Variants in TAS1R3 observed in about 807,000 individuals in gnomAD.
TAS1R3 encodes the protein taste receptor type 1 member 3.
Under a neutral mutation model 46.1 loss-of-function variants are expected in TAS1R3, and 58 were observed. That is an observed-to-expected ratio of 1.26 (90% CI 1.02 to 1.57). TAS1R3 has a LOEUF of 1.57. Among genes scored for constraint, TAS1R3 ranks in the 40% most tolerant of loss-of-function variants. The pLI is 0.00. For synonymous variants in TAS1R3, 724 were observed against 544.7 expected, an observed-to-expected ratio of 1.33 and a Z score of -4.58; for missense variants, 1,422 against 1,185.8, an observed-to-expected ratio of 1.20 and a Z score of -2.93.
In TAS1R3 at chr1:1,333,964, C is replaced by T. The variant is rs137903502; in HGVS notation, c.2059C>T (p.Leu687=). The T allele has an allele frequency of 3.1e-5, 50 of 1,600,740 alleles. No individual in the cohort carries two copies. Among genetic ancestry groups the T allele is most frequent in the Non-Finnish European group, 4.2e-5 (49 of 1,179,662 alleles). The change falls in exon 6 of 6, where the codon CTG becomes TTG. Residue 687 remains leucine, a synonymous_variant. Coordinates refer to ENST00000339381, the MANE Select transcript of TAS1R3 (RefSeq NM_152228.3). The part of the protein sequence containing the change: ...RGPWAWLVVL[L]AMLVEVALCT... The stretch of plus-strand genomic sequence containing the variant: ...GCCCTGGGCCTGGCTGGTGGTGCTG[C>T]TGGCCATGCTGGTGGAGGTCGCACT...
rs1366983373 is a variant in TAS1R3 at position 1,332,334 on chromosome 1, T to G, written c.803T>G (p.Val268Gly). 2.5e-6 allele frequency: 4 copies of G among 1,601,856 alleles called. No homozygotes were observed. The Admixed American group carries it at 6.8e-5, about 27-fold the overall frequency. ...DVLHQVNQSS[V>G]QVVLLFASVH... The stretch of plus-strand genomic sequence containing the variant: ...CTGCACCAGGTGAACCAGAGCAGCG[T>G]GCAGGTGGTGCTGCTGTTCGCCTCC... Residue 268 changes from valine to glycine, a missense_variant, in exon 3 of 6, where the codon GTG (valine) becomes GGG (glycine). By Grantham distance (109) the Val-to-Gly change is moderately radical (BLOSUM62 -3). Transcript: ENST00000339381.
Position 1,332,512 on chromosome 1 carries a change from G to A in TAS1R3, c.981G>A (p.Arg327=). Reference sequence around the variant, plus strand: ...GCACGGTGCTTGGCTTCCTCCAGAGGGGTGCCCAGCTGCACGAGTTCCCCC... The same window carrying A: ...GCACGGTGCTTGGCTTCCTCCAGAGAGGTGCCCAGCTGCACGAGTTCCCCC... ...QMGTVLGFLQ[R]GAQLHEFPQY... Residue 327 remains arginine (R), a synonymous_variant, in exon 3 of 6, where the codon AGG becomes AGA. Transcript: ENST00000339381. 1 of 1,611,340 alleles carries A rather than the reference G, an allele frequency of 6.2e-7. No individual in the cohort carries two copies. Among genetic ancestry groups the A allele is most frequent in the African/African-American group, 1.3e-5 (1 of 75,050 alleles).
Position 1,334,551 on chromosome 1 carries a change from A to T in TAS1R3, c.*87A>T. 3 of 1,363,360 alleles carry T rather than the reference A, an allele frequency of 2.2e-6. No individual in the cohort carries two copies. Among genetic ancestry groups the T allele is most frequent in the Non-Finnish European group, 2.9e-6 (3 of 1,036,208 alleles). 84.5% of individuals were successfully genotyped at this position (1,363,360 alleles called of 1,614,324 possible). ...CAATGACCCGTGTCTCGCTACAGAG[A>T]CCCTCCCGCTCTAGGTTCTGACCCC... On this transcript the variant is annotated 3_prime_UTR_variant, in exon 6 of 6. Transcript: ENST00000339381.
In TAS1R3 at chr1:1,334,330, T is replaced by C. The variant is rs2100694886; in HGVS notation, c.2425T>C (p.Phe809Leu). ...CTGTGTCCTGGGCATCCTGGCTGCC[T>C]TCCACCTGCCCAGGTGTTACCTGCT... is the stretch of plus-strand genomic sequence containing the variant. ...LLCVLGILAAFHLPRCYLLMR... is the reference protein window; with the variant it reads ...LLCVLGILAALHLPRCYLLMR... Residue 809 changes from phenylalanine to leucine, a missense_variant, in exon 6 of 6, where the codon TTC (phenylalanine) becomes CTC (leucine). Physicochemically the swap from Phe to Leu is conservative, Grantham distance 22. Coordinates refer to ENST00000339381, the MANE Select transcript of TAS1R3 (RefSeq NM_152228.3). The C allele has an allele frequency of 6.2e-7, 1 of 1,611,760 alleles. No homozygotes were observed. The highest frequency in any genetic ancestry group is 8.5e-7 in the Non-Finnish European group (1 of 1,179,354).
chr1:1,333,799 C>G lies in TAS1R3; in HGVS notation c.1894C>G (p.Arg632Gly). 4 of 1,595,066 alleles carry G rather than the reference C, an allele frequency of 2.5e-6. No homozygotes were observed. Among genetic ancestry groups the G allele is most frequent in the Non-Finnish European group, 3.4e-6 (4 of 1,175,998 alleles). Residue 632 changes from arginine to glycine, a missense_variant, in exon 6 of 6, where the codon CGA (arginine) becomes GGA (glycine). Coordinates refer to ENST00000339381, the MANE Select transcript of TAS1R3 (RefSeq NM_152228.3). ...LLFPGQPSPA[R>G]CLAQQPLSHL... ...GTTCCCTGGCCAGCCCAGCCCTGCC[C>G]GATGCCTGGCCCAGCAGCCCTTGTC...
chr1:1,334,309 G>A lies in TAS1R3; in HGVS notation c.2404G>A (p.Val802Ile). The stretch of plus-strand genomic sequence containing the variant: ...GCAGATGGGCGCCCTCCTGCTCTGT[G>A]TCCTGGGCATCCTGGCTGCCTTCCA... ...AVQMGALLLC[V>I]LGILAAFHLP... Residue 802 changes from valine to isoleucine, a missense_variant, in exon 6 of 6, where the codon GTC (valine) becomes ATC (isoleucine). Transcript: ENST00000339381. 6.2e-7 allele frequency: 1 copy of A among 1,611,776 alleles called. No individual in the cohort carries two copies.
Position 1,333,112 on chromosome 1 carries a change from G to T in TAS1R3, c.1467G>T (p.Thr489=), listed in dbSNP as rs368111530. ...AGCGCCTGAAGATCCGCTGGCACACGTCTGACAACCAGGTGAGGTGAGGGT... is the reference window on the plus strand; with the variant it reads ...AGCGCCTGAAGATCCGCTGGCACACTTCTGACAACCAGGTGAGGTGAGGGT... ...RTERLKIRWH[T]SDNQKPVSRC... Residue 489 remains threonine (T), a synonymous_variant, in exon 4 of 6, where the codon ACG becomes ACT. Coordinates refer to ENST00000339381, the MANE Select transcript of TAS1R3 (RefSeq NM_152228.3). 1 of 1,611,562 alleles carries T rather than the reference G, an allele frequency of 6.2e-7. No individual in the cohort carries two copies. Among genetic ancestry groups the T allele is most frequent in the Admixed American group, 1.7e-5 (1 of 59,968 alleles).
Position 1,334,625 on chromosome 1 carries a change from C to T in TAS1R3, c.*161C>T, listed in dbSNP as rs1643515847. 9.0e-6 allele frequency: 7 copies of T among 781,790 alleles called. No homozygotes were observed. The highest frequency in any genetic ancestry group is 3.8e-5 in the South Asian group (2 of 52,942). 48.4% of individuals were successfully genotyped at this position (781,790 alleles called of 1,614,324 possible). ...CACAGTGAGCCCTAGGCCTGGAGCA[C>T]GTGGACACCCCTGTGACCATCTGGG... On this transcript the variant is annotated 3_prime_UTR_variant, in exon 6 of 6. Transcript: ENST00000339381.
chr1:1,331,806 A>C lies in TAS1R3; in HGVS notation c.360A>C (p.Ala120=). 6.2e-7 allele frequency: 1 copy of C among 1,612,838 alleles called. No homozygotes were observed. Among genetic ancestry groups the C allele is most frequent in the Non-Finnish European group, 8.5e-7 (1 of 1,180,014 alleles). Residue 120 remains alanine, a synonymous_variant, in exon 2 of 6, where the codon GCA becomes GCC. Coordinates refer to ENST00000339381, the MANE Select transcript of TAS1R3 (RefSeq NM_152228.3). The stretch of plus-strand genomic sequence containing the variant: ...CCAGCCTCATGTTCCTGGCCAAGGC[A>C]GGCAGCCGCGACATCGCCGCCTACT... ...MKPSLMFLAK[A]GSRDIAAYCN... is the part of the protein sequence containing the mutation.
At chr1:1,332,869 C>T in intron 3 of TAS1R3, 52 bp from the exon 4 acceptor site, 1 of 1,588,024 alleles carries the variant, frequency 6.3e-7, no homozygotes, top group Non-Finnish European at 8.6e-7. Context: ...GGCACGGCCA[C>T]CACGCCTGAG....
chr1:1,334,949 A>G lies in TAS1R3; in HGVS notation c.*485A>G, dbSNP rs188647. On this transcript the variant is annotated 3_prime_UTR_variant, in exon 6 of 6. Coordinates refer to ENST00000339381, the MANE Select transcript of TAS1R3 (RefSeq NM_152228.3). ...TGCCCAGGGCAGAGCCCGCCGAGGT[A>G]GGGGTGGCACCCAGCTTCCTACTCT... The G allele has an allele frequency of 0.97, 152,318 of 156,970 alleles. 73,948 individuals are homozygous for G. The highest frequency in any genetic ancestry group is 0.99 in the African/African-American group (41,153 of 41,648). The allele number at this position is 156,970 out of a possible 1,614,324, so 9.7% of individuals were successfully genotyped here. A position where few individuals can be genotyped will look rare whatever the true frequency, so the allele number is the denominator to read the frequency against.
chr1:1,333,194 G>C, intron 4 of TAS1R3, 65 bp from the exon 5 acceptor site: 1 of 1,590,686 alleles, frequency 6.3e-7, no homozygotes, highest in South Asian at 1.1e-5. Context: ...CTGGGGGTGG[G>C]GGCCGTTCCA....
Position 1,331,366 on chromosome 1 carries a change from G to A in TAS1R3, c.21G>A (p.Leu7=). ...CTGCCATGCTGGGCCCTGCTGTCCTGGGCCTCAGCCTCTGGGCTCTCCTGC... is the reference window on the plus strand; with the variant it reads ...CTGCCATGCTGGGCCCTGCTGTCCTAGGCCTCAGCCTCTGGGCTCTCCTGC... MLGPAV[L]GLSLWALLHP... The change falls in exon 1 of 6, where the codon CTG becomes CTA. Residue 7 remains leucine (L), a synonymous_variant. Transcript: ENST00000339381. 1.3e-5 allele frequency: 20 copies of A among 1,596,320 alleles called. No homozygotes were observed. Among genetic ancestry groups the A allele is most frequent in the Non-Finnish European group, 1.5e-5 (18 of 1,172,338 alleles).
chr1:1,333,932 T>G lies in TAS1R3; in HGVS notation c.2027T>G (p.Leu676Arg). 6.2e-7 allele frequency: 1 copy of G among 1,601,060 alleles called. No homozygotes were observed. The highest frequency in any genetic ancestry group is 2.2e-5 in the East Asian group (1 of 44,862). ...LSWADRLSGC[L>R]RGPWAWLVVL... ...TGGGCAGACCGGCTGAGTGGCTGCCTGCGGGGGCCCTGGGCCTGGCTGGTG... is the reference window on the plus strand; with the variant it reads ...TGGGCAGACCGGCTGAGTGGCTGCCGGCGGGGGCCCTGGGCCTGGCTGGTG... Residue 676 changes from leucine (L) to arginine (R), a missense_variant, in exon 6 of 6, where the codon CTG becomes CGG. Transcript: ENST00000339381.
rs776220108 is a variant in TAS1R3, at chr1:1,332,595, G to C, written c.1064G>C (p.Gly355Ala). 1.3e-5 allele frequency: 21 copies of C among 1,611,154 alleles called. No homozygotes were observed. Among genetic ancestry groups the C allele is most frequent in the Non-Finnish European group, 1.7e-5 (20 of 1,179,938 alleles). Residue 355 changes from glycine (G) to alanine (A), a missense_variant, in exon 3 of 6, where the codon GGC (glycine) becomes GCC (alanine). By Grantham distance (60) the Gly-to-Ala change is moderately conservative. Coordinates refer to ENST00000339381, the MANE Select transcript of TAS1R3 (RefSeq NM_152228.3). The stretch of plus-strand genomic sequence containing the variant: ...GACCCGGCCTTCTGCTCTGCCCTGG[G>C]CGAGAGGGAGCAGGGTCTGGAGGAG... ...ATDPAFCSAL[G>A]EREQGLEEDV...
chr1:1,334,052 C>A lies in TAS1R3; in HGVS notation c.2147C>A (p.Thr716Lys), dbSNP rs147441599. Residue 716 changes from threonine to lysine, a missense_variant, in exon 6 of 6, where the codon ACG becomes AAG. By Grantham distance (78) the Thr-to-Lys change is moderately conservative (BLOSUM62 -1). Coordinates refer to ENST00000339381, the MANE Select transcript of TAS1R3 (RefSeq NM_152228.3). ...EVVTDWHMLP[T>K]EALVHCRTRS... Reference sequence around the variant, plus strand: ...GTGACGGACTGGCACATGCTGCCCACGGAGGCGCTGGTGCACTGCCGCACA... The same window carrying A: ...GTGACGGACTGGCACATGCTGCCCAAGGAGGCGCTGGTGCACTGCCGCACA... 5.0e-4 allele frequency: 806 copies of A among 1,601,080 alleles called. 7 individuals carry two copies. In the East Asian group the frequency reaches 0.012, roughly 25 times the overall value.
chr1:1,333,974 T>C lies in TAS1R3; in HGVS notation c.2069T>C (p.Leu690Pro). Residue 690 changes from leucine to proline, a missense_variant, in exon 6 of 6, where the codon CTG (leucine) becomes CCG (proline). By Grantham distance (98) the Leu-to-Pro change is moderately conservative. Coordinates refer to ENST00000339381, the MANE Select transcript of TAS1R3 (RefSeq NM_152228.3). Reference protein sequence around the residue: ...WAWLVVLLAMLVEVALCTWYL... With the variant: ...WAWLVVLLAMPVEVALCTWYL... ...TGGCTGGTGGTGCTGCTGGCCATGC[T>C]GGTGGAGGTCGCACTGTGCACCTGG... 6.2e-7 allele frequency: 1 copy of C among 1,600,828 alleles called. No homozygotes were observed. The highest frequency in any genetic ancestry group is 8.5e-7 in the Non-Finnish European group (1 of 1,179,686).
In TAS1R3 at chr1:1,333,515, C is replaced by T. The variant is rs1374051173; in HGVS notation, c.1610C>T (p.Ala537Val). ...GSYRQNPDDIACTFCGQDEWS... is the reference protein window; with the variant it reads ...GSYRQNPDDIVCTFCGQDEWS... ...TTCTCCTCTCTCACAGACGACATCG[C>T]CTGCACCTTTTGTGGCCAGGATGAG... The change falls in exon 6 of 6, where the codon GCC (alanine) becomes GTC (valine). Residue 537 changes from alanine (A) to valine (V), a missense_variant. Transcript: ENST00000339381. 4 of 1,602,244 alleles carry T rather than the reference C, an allele frequency of 2.5e-6. 1 individual carries two copies. The South Asian group carries it at 3.3e-5, about 13-fold the overall frequency.
Position 1,334,599 on chromosome 1 carries a change from C to T in TAS1R3, c.*135C>T, listed in dbSNP as rs1643515346. On this transcript the variant is annotated 3_prime_UTR_variant, in exon 6 of 6. Coordinates refer to ENST00000339381, the MANE Select transcript of TAS1R3 (RefSeq NM_152228.3). ...CCCAGGTTGTCTCCTGACCCTGACCCCACAGTGAGCCCTAGGCCTGGAGCA... is the reference window on the plus strand; with the variant it reads ...CCCAGGTTGTCTCCTGACCCTGACCTCACAGTGAGCCCTAGGCCTGGAGCA... 1 of 1,009,422 alleles carries T rather than the reference C, an allele frequency of 9.9e-7. No homozygotes were observed. The highest frequency in any genetic ancestry group is 2.6e-5 in the East Asian group (1 of 38,010). 62.5% of individuals were successfully genotyped at this position (1,009,422 alleles called of 1,614,324 possible). A position where few individuals can be genotyped will look rare whatever the true frequency, so the allele number is the denominator to read the frequency against.
Sources: allele counts gnomAD v4.1 joint callset, GRCh38; gene constraint gnomAD v4.1.1; transcripts MANE v1.5; gene names NCBI Gene and HGNC (gene_info 2026-07-23, HGNC 2026-07-21).